GMPR: variants seen among roughly 807,000 people sequenced by gnomAD.
GMPR encodes the protein GMP reductase 1.
A neutral mutation model predicts 38.4 loss-of-function variants in GMPR; 31 were observed. The observed-to-expected ratio is 0.81, with a 90% CI of 0.61 to 1.09. The LOEUF is 1.09. Among genes scored for constraint, GMPR ranks in the 50% least tolerant of loss-of-function variants. The probability of loss-of-function intolerance (pLI) is 0.00; values close to 1 mark genes in which losing one functional copy is unlikely to be tolerated. For missense variants in GMPR, 468 were observed against 453.7 expected (o/e 1.03, Z -0.29); for synonymous variants, 162 against 173.3 (o/e 0.93, Z 0.51).
chr6:16,281,196 A>G (rs1002179318), intron 6 of GMPR, among the ~76,000 whole-genome samples: 2 of 152,202 alleles, frequency 1.3e-5, no homozygotes, highest in African/African-American at 4.8e-5. Context: ...TGACCTACAG[A>G]ATCAGAACTC....
intron 5 of GMPR, among the ~76,000 whole-genome samples, chr6:16,276,363 G>T (rs1759471840): frequency 6.6e-6 from 1 of 152,056 alleles, no homozygotes; most frequent in Non-Finnish European, 1.5e-5. Flanking sequence ...TGGAGACGGG[G>T]TTTCACCATG....
Position 16,295,480 on chromosome 6 carries a change from C to G in GMPR, c.*294C>G, listed in dbSNP as rs72840228. 11 of 287,954 alleles carry G rather than the reference C, an allele frequency of 3.8e-5. No homozygotes were observed. Among genetic ancestry groups the G allele is most frequent in the African/African-American group, 6.5e-5 (3 of 46,244 alleles). The allele number at this position is 287,954 out of a possible 1,614,324, so 17.8% of individuals were successfully genotyped here. On this transcript the variant is annotated 3_prime_UTR_variant, in exon 9 of 9. Coordinates refer to ENST00000259727, the MANE Select transcript of GMPR (RefSeq NM_006877.4). The stretch of plus-strand genomic sequence containing the variant: ...TCTTTTTCTCTTTCTCTCTCCCTTT[C>G]TTTGTTTTTCTTTCTTTTTTAAAAG...
intron 8 of GMPR, 53 bp downstream of exon 8, chr6:16,290,674 C>T (rs556939340): frequency 2.4e-5 from 37 of 1,511,538 alleles, no homozygotes; most frequent in East Asian, 1.4e-4. Context: ...GCTTTTCTTA[C>T]GGAGATGGGA....
chr6:16,244,389 A>G (rs746901386), intron 1 of GMPR, among the ~76,000 whole-genome samples: 5 of 151,166 alleles, frequency 3.3e-5, no homozygotes, highest in Admixed American at 2.0e-4. Context: ...AGTTTTTTCT[A>G]TTTTGTGTAG....
chr6:16,267,004 G>C (rs1759260269), intron 4 of GMPR, among the ~76,000 whole-genome samples: 2 of 151,428 alleles, frequency 1.3e-5, no homozygotes, highest in African/African-American at 2.4e-5. Context: ...AACTCTGGGT[G>C]CGCCACCTTT....
At chr6:16,293,411 C>A (rs903267395) in intron 8 of GMPR, among the ~76,000 whole-genome samples, 16 of 152,316 alleles carry the variant, frequency 1.1e-4, no homozygotes, top group East Asian at 9.6e-4. Flanking sequence ...CTGGGTATGG[C>A]CAATGACTGG....
intron 7 of GMPR, among the ~76,000 whole-genome samples, chr6:16,287,976 G>A (rs182272042): frequency 5.6e-4 from 86 of 152,322 alleles, no homozygotes; most frequent in African/African-American, 1.7e-3. Flanking sequence ...GGATTTGCCA[G>A]GCTCCCCTCC....
At chr6:16,267,470 G>A (rs966774017) in intron 4 of GMPR, among the ~76,000 whole-genome samples, 2 of 151,076 alleles carry the variant, frequency 1.3e-5, no homozygotes, top group South Asian at 2.1e-4. Flanking sequence ...AACTCCGGAC[G>A]GTGCCACTTT....
At chr6:16,242,398 A>G (rs919503172) in intron 1 of GMPR, among the ~76,000 whole-genome samples, 1 of 150,868 alleles carries the variant, frequency 6.6e-6, no homozygotes, top group Non-Finnish European at 1.5e-5. Context: ...ACTGAGGACC[A>G]CATACTTGGT....
intron 7 of GMPR, among the ~76,000 whole-genome samples, chr6:16,288,299 G>T (rs1759736300): frequency 6.6e-6 from 1 of 152,264 alleles, no homozygotes; most frequent in Admixed American, 6.5e-5. Flanking sequence ...GCGCTTGCGG[G>T]CCAGCTGGAG....
chr6:16,290,646 C>T lies in GMPR; in HGVS notation c.857+25C>T, dbSNP rs201016512. ...GGTGAGGAGGTGACCCCGGGGCGCA[C>T]CCTCGAGGCCTGGCCTTGCTTTTCT... On this transcript the variant is annotated intron_variant, in intron 8 of 8. Transcript: ENST00000259727. 1.1e-3 allele frequency: 1,780 copies of T among 1,601,306 alleles called. 1 individual carries two copies. Among genetic ancestry groups the T allele is most frequent in the Non-Finnish European group, 1.4e-3 (1,660 of 1,169,394 alleles).
At chr6:16,294,826 T>C (rs1014949119) in intron 8 of GMPR, among the ~76,000 whole-genome samples, 180 bp from the exon 9 acceptor site, 9 of 152,220 alleles carry the variant, frequency 5.9e-5, no homozygotes, top group African/African-American at 2.2e-4. Flanking sequence ...TGTGTTCATC[T>C]GAGATGCTGG....
At chr6:16,239,333 C>T (rs1028727242) in intron 1 of GMPR, among the ~76,000 whole-genome samples, 3 of 152,200 alleles carry the variant, frequency 2.0e-5, no homozygotes, top group Admixed American at 6.5e-5. Context: ...CTCAGCGGTA[C>T]TGGACAGCCC....
chr6:16,287,871 A>G (rs568517791), intron 7 of GMPR, among the ~76,000 whole-genome samples: 12 of 152,334 alleles, frequency 7.9e-5, no homozygotes, highest in Admixed American at 6.5e-4. Context: ...TGTAACGCCA[A>G]TGAAAACCTC....
intron 4 of GMPR, among the ~76,000 whole-genome samples, chr6:16,273,844 C>T (rs983090810): frequency 2.5e-5 from 3 of 122,084 alleles, no homozygotes; most frequent in East Asian, 2.6e-4. Flanking sequence ...GAGACAGAGT[C>T]TTGCTCTGTC....
At position 16,290,550 on chromosome 6, in the gene GMPR, G is replaced by C. The variant is rs765475058; in HGVS notation, c.786G>C (p.Lys262Asn). 3 of 1,614,014 alleles carry C rather than the reference G, an allele frequency of 1.9e-6. No individual in the cohort carries two copies. The African/African-American group carries it at 4.0e-5, about 22-fold the overall frequency. Residue 262 changes from lysine (K) to asparagine (N), a missense_variant, in exon 8 of 9, where the codon AAG becomes AAC. Lys to Asn is a moderately conservative substitution (Grantham distance 94). Coordinates refer to ENST00000259727, the MANE Select transcript of GMPR (RefSeq NM_006877.4). Reference sequence around the variant, plus strand: ...AAGTGTTTGAGAGGAACGGACGGAAGCTCAAGCTCTTCTACGGGATGAGCT... The same window carrying C: ...AAGTGTTTGAGAGGAACGGACGGAACCTCAAGCTCTTCTACGGGATGAGCT... ...AGEVFERNGR[K>N]LKLFYGMSSD...
Position 16,238,612 on chromosome 6 carries a change from C to A in GMPR, c.-82C>A. On this transcript the variant is annotated 5_prime_UTR_variant, in exon 1 of 9. Transcript: ENST00000259727. ...ACGCCAGCTCCCGGCCGCGGCACAGCAGCCCCGGCGCTCCCCGCGCCGCCC... is the reference window on the plus strand; with the variant it reads ...ACGCCAGCTCCCGGCCGCGGCACAGAAGCCCCGGCGCTCCCCGCGCCGCCC... 5.4e-6 allele frequency: 2 copies of A among 368,834 alleles called. No individual in the cohort carries two copies. Among genetic ancestry groups the A allele is most frequent in the Non-Finnish European group, 3.9e-6 (1 of 255,916 alleles). The allele number at this position is 368,834 out of a possible 1,614,324, so 22.8% of individuals were successfully genotyped here.
chr6:16,242,488 C>T (rs1455684802), intron 1 of GMPR, among the ~76,000 whole-genome samples: 1 of 152,046 alleles, frequency 6.6e-6, no homozygotes, highest in African/African-American at 2.4e-5. Context: ...GGGTTGATTC[C>T]TTCTGAGGGC....
intron 4 of GMPR, 77 bp from the exon 5 acceptor site, chr6:16,274,338 T>A: frequency 1.1e-6 from 1 of 906,592 alleles, no homozygotes; most frequent in East Asian, 2.4e-5. Context: ...CACATCCTCG[T>A]GTTCAGGTGT....
Sources: allele counts gnomAD v4.1 joint callset (sites outside exome capture counted in the v4.1 genomes callset), GRCh38; gene constraint gnomAD v4.1.1; transcripts MANE v1.5; gene names NCBI Gene and HGNC (gene_info 2026-07-23, HGNC 2026-07-21).